PDE1C: variants seen among roughly 807,000 people sequenced by gnomAD.
PDE1C encodes dual specificity calcium/calmodulin-dependent 3',5'-cyclic nucleotide phosphodiesterase 1C.
Under a neutral mutation model 93.1 loss-of-function variants are expected in PDE1C, and 62 were observed. The ratio of observed to expected loss-of-function variants is 0.67; its 90% CI spans 0.54 to 0.82. The LOEUF (loss-of-function observed/expected upper bound fraction) is 0.82. Ranked by LOEUF, PDE1C falls within the 40% of genes least tolerant of loss-of-function variation. The pLI, the probability that PDE1C is intolerant of heterozygous loss-of-function variation, is 0.00. For synonymous variants in PDE1C, 325 were observed against 310.1 expected (o/e 1.05, Z -0.50); for missense variants, 742 against 884.6 (o/e 0.84, Z 2.04).
chr7:32,075,163 A>T (rs1023527212), upstream of PDE1C, among the ~76,000 whole-genome samples: 1 of 152,252 alleles, frequency 6.6e-6, no homozygotes, highest in Non-Finnish European at 1.5e-5. Flanking sequence ...TCCTCCGCTT[A>T]CAAACAAGGA....
intron 17 of PDE1C, among the ~76,000 whole-genome samples, chr7:31,759,896 C>T (rs1794722815): frequency 6.6e-6 from 1 of 151,792 alleles, no homozygotes; most frequent in Non-Finnish European, 1.5e-5. Flanking sequence ...TCTCCATTCT[C>T]TCTTTCTCTC....
At chr7:31,844,890 G>A (rs1792358015) in intron 9 of PDE1C, among the ~76,000 whole-genome samples, 1 of 151,938 alleles carries the variant, frequency 6.6e-6, no homozygotes, top group African/African-American at 2.4e-5. Context: ...CCTGAAAAAT[G>A]AATTTTTAAA....
chr7:31,945,984 C>G (rs1806550455), intron 2 of PDE1C, among the ~76,000 whole-genome samples: 1 of 152,094 alleles, frequency 6.6e-6, no homozygotes, highest in Non-Finnish European at 1.5e-5. Flanking sequence ...TTCTTCATTT[C>G]TCTTACTGTA....
At chr7:32,092,855 T>A (rs1797549153) in intron 3 of PDE1C, among the ~76,000 whole-genome samples, 1 of 150,670 alleles carries the variant, frequency 6.6e-6, no homozygotes, top group Non-Finnish European at 1.5e-5. Flanking sequence ...ACACAACTTG[T>A]AGTTGTGAAT....
At position 31,963,737 on chromosome 7, in the gene PDE1C, C is replaced by T. The variant is rs571118064; in HGVS notation, c.129-82877G>A. Among the ~76,000 whole-genome samples, 6 of 152,294 alleles carry T rather than the reference C, an allele frequency of 3.9e-5. No homozygotes were observed. The South Asian group carries it at 1.0e-3, about 26-fold the overall frequency. The stretch of plus-strand genomic sequence containing the variant: ...TCCTTGCAAGAGACAGAAATAAACA[C>T]AGAGTGCAGTAAACATCAATCAGCA... On this transcript the variant is annotated intron_variant, in intron 2 of 17. Transcript: ENST00000396191.
At chr7:31,960,372 G>A (rs1420862179) in intron 2 of PDE1C, among the ~76,000 whole-genome samples, 1 of 152,038 alleles carries the variant, frequency 6.6e-6, no homozygotes, top group East Asian at 1.9e-4. Flanking sequence ...TTAATCATGA[G>A]GCAATTTCTG....
At chr7:31,934,127 C>G (rs1804698449) in intron 2 of PDE1C, among the ~76,000 whole-genome samples, 2 of 152,154 alleles carry the variant, frequency 1.3e-5, no homozygotes, top group Admixed American at 6.6e-5. Context: ...AAGTCTCTGC[C>G]AAGAGACTTC....
chr7:31,931,891 G>A lies in PDE1C; in HGVS notation c.129-51031C>T, dbSNP rs183334330. On this transcript the variant is annotated intron_variant, in intron 2 of 17. Coordinates refer to ENST00000396191, the MANE Select transcript of PDE1C (RefSeq NM_001191057.4). ...GATACATAGACCAATGGAACAGAAC[G>A]GAGGTCTCACAAATAACACCACACA... 5.3e-5 allele frequency among the ~76,000 whole-genome samples: 8 copies of A among 151,942 alleles called. No homozygotes were observed. The East Asian group carries it at 1.2e-3, about 22-fold the overall frequency.
At chr7:31,774,755 C>T (rs1795718504) in intron 17 of PDE1C, among the ~76,000 whole-genome samples, 1 of 151,992 alleles carries the variant, frequency 6.6e-6, no homozygotes, top group Non-Finnish European at 1.5e-5. Flanking sequence ...AGGAAGGAAA[C>T]AAAACTCTAC....
intron 2 of PDE1C, chr7:32,209,382 T>G: frequency 2.1e-6 from 2 of 942,818 alleles, no homozygotes; most frequent in Non-Finnish European, 3.2e-6. Flanking sequence ...GCATTACTAT[T>G]TTATTAACAC....
Position 32,051,513 on chromosome 7 carries a change from C to G in PDE1C, c.128+41G>C, listed in dbSNP as rs1793357615. 3.7e-6 allele frequency: 6 copies of G among 1,605,972 alleles called. No homozygotes were observed. The African/African-American group carries it at 5.3e-5, about 14-fold the overall frequency. On this transcript the variant is annotated intron_variant, in intron 2 of 17. Coordinates refer to ENST00000396191, the MANE Select transcript of PDE1C (RefSeq NM_001191057.4). ...GCCAGACTTGTGAAGAGCTGGGCCA[C>G]AAATGAATCAACCAGTTGCAGCTCA...
chr7:31,863,217 A>G lies in PDE1C; in HGVS notation c.750+1725T>C, dbSNP rs185172675. Among the ~76,000 whole-genome samples, 57 of 152,190 alleles carry G rather than the reference A, an allele frequency of 3.7e-4. 2 individuals carry two copies. The East Asian group carries it at 0.011, about 29-fold the overall frequency. ...GAGGCTCTTTATAGGTGATTTATAT[A>G]CTTTTTAAAAACTGCTGGGAATGTA... is the stretch of plus-strand genomic sequence containing the variant. On this transcript the variant is annotated intron_variant, in intron 7 of 17. Coordinates refer to ENST00000396191, the MANE Select transcript of PDE1C (RefSeq NM_001191057.4).
intron 3 of PDE1C, among the ~76,000 whole-genome samples, chr7:32,115,675 C>T (rs1199293901): frequency 6.6e-6 from 1 of 152,166 alleles, no homozygotes; most frequent in Non-Finnish European, 1.5e-5. Context: ...CAACTTTAGA[C>T]AATCTGCCAA....
chr7:32,117,831 C>G (rs754074603), intron 3 of PDE1C, among the ~76,000 whole-genome samples: 2 of 152,168 alleles, frequency 1.3e-5, no homozygotes, highest in African/African-American at 2.4e-5. Flanking sequence ...TGGTCTCGTA[C>G]TTTTAATTTA....
intron 1 of PDE1C, among the ~76,000 whole-genome samples, chr7:32,241,136 T>C (rs888864403): frequency 2.0e-5 from 3 of 152,166 alleles, no homozygotes; most frequent in African/African-American, 4.8e-5. Context: ...GAATTCCAAA[T>C]GGTGGCATCA....
At chr7:31,964,442 TAAAC>T (rs1303420311) in intron 2 of PDE1C, among the ~76,000 whole-genome samples, 2 of 152,036 alleles carry the variant, frequency 1.3e-5, no homozygotes, top group African/African-American at 2.4e-5. Flanking sequence ...CTTGAGTAGG[TAAAC>T]AAAGCAGCTG....
At chr7:31,986,649 T>C (rs758937734) in intron 2 of PDE1C, among the ~76,000 whole-genome samples, 1 of 151,772 alleles carries the variant, frequency 6.6e-6, no homozygotes, top group East Asian at 1.9e-4. Flanking sequence ...GAGACCTGAG[T>C]GATGAGACCA....
intron 3 of PDE1C, among the ~76,000 whole-genome samples, chr7:32,105,786 A>G (rs6970500): frequency 0.69 from 103,829 of 150,530 alleles, 36,501 homozygotes; most frequent in Middle Eastern, 0.81. Flanking sequence ...TTGGTCTCCC[A>G]AAGTGCTGGG....
At chr7:31,666,086 T>A in the PDE1C span, among the ~76,000 whole-genome samples, 6 of 152,230 alleles carry the variant, frequency 3.9e-5, no homozygotes, top group African/African-American at 1.4e-4. Flanking sequence ...CAGGGTCATC[T>A]GATGCTTCAG....
Sources: gnomAD v4.1 joint callset for allele counts (sites outside exome capture counted in the v4.1 genomes callset) on GRCh38, gnomAD v4.1.1 for gene constraint, MANE v1.5 for transcripts, NCBI Gene and HGNC (gene_info 2026-07-23, HGNC 2026-07-21) for gene names.